The following MYO16 variants were observed in gnomAD, a reference collection of about 807,000 sequenced individuals.
MYO16 encodes unconventional myosin-XVI.
A neutral mutation model predicts 205.3 loss-of-function variants in MYO16; 94 were observed. That is an observed-to-expected ratio of 0.46 (90% CI 0.39 to 0.54). MYO16 has a LOEUF of 0.54. MYO16 is among the 20% of genes least tolerant of loss of function. The pLI is 0.00. For missense variants in MYO16, 2,315 were observed against 2,387.5 expected (o/e 0.97, Z 0.63); for synonymous variants, 988 against 954.0 (o/e 1.04, Z -0.66).
intron 4 of MYO16, among the ~76,000 whole-genome samples, chr13:108,783,027 C>T (rs902664015): frequency 1.3e-5 from 2 of 152,122 alleles, no homozygotes; most frequent in Non-Finnish European, 2.9e-5. Context: ...TCTACTGGGC[C>T]ACTGCCTAGT....
intron 27 of MYO16, among the ~76,000 whole-genome samples, chr13:109,097,990 G>A (rs923678153): frequency 1.6e-5 from 2 of 124,446 alleles, no homozygotes; most frequent in Non-Finnish European, 3.5e-5. Context: ...ACTGGGTACT[G>A]TCTTGGTCAG....
intron 16 of MYO16, among the ~76,000 whole-genome samples, chr13:108,911,034 A>AACACACAC (rs113296282): frequency 0.23 from 31,794 of 138,054 alleles, 4,081 homozygotes; most frequent in Non-Finnish European, 0.28. Context: ...TATAGGAGAA[A>AACACACAC]ACACACACAC....
chr13:108,945,486 T>C (rs1048848761), intron 16 of MYO16, among the ~76,000 whole-genome samples: 4 of 152,206 alleles, frequency 2.6e-5, no homozygotes, highest in Admixed American at 1.3e-4. Flanking sequence ...CTAGAAATTA[T>C]TTTTAAAATA....
the MYO16 span, among the ~76,000 whole-genome samples, chr13:108,497,385 T>C: frequency 6.6e-6 from 1 of 152,242 alleles, no homozygotes; most frequent in African/African-American, 2.4e-5. Context: ...AACAAGCATA[T>C]GTGACATTTA....
chr13:109,002,309 A>C (rs921454945), intron 21 of MYO16, among the ~76,000 whole-genome samples: 1 of 152,150 alleles, frequency 6.6e-6, no homozygotes, highest in African/African-American at 2.4e-5. Context: ...TTTTTGTTTC[A>C]GATATGTTTC....
At chr13:109,148,413 A>G (rs745912481) in intron 32 of MYO16, among the ~76,000 whole-genome samples, 1 of 152,248 alleles carries the variant, frequency 6.6e-6, no homozygotes, top group Non-Finnish European at 1.5e-5. Flanking sequence ...ATTCCCTTAC[A>G]GTCATCCAAT....
At chr13:109,184,167 C>A (rs1251814538) in intron 34 of MYO16, among the ~76,000 whole-genome samples, 1 of 152,002 alleles carries the variant, frequency 6.6e-6, no homozygotes, top group African/African-American at 2.4e-5. Flanking sequence ...TAAGATAACC[C>A]TTTCAAAAGG....
intron 4 of MYO16, among the ~76,000 whole-genome samples, chr13:108,765,570 G>C (rs1251030210): frequency 6.6e-6 from 1 of 152,068 alleles, no homozygotes; most frequent in Non-Finnish European, 1.5e-5. Context: ...TTATGCTTCT[G>C]TTGCTACACC....
chr13:109,173,692 G>T (rs990757115), intron 33 of MYO16, among the ~76,000 whole-genome samples: 1 of 151,256 alleles, frequency 6.6e-6, no homozygotes, highest in Non-Finnish European at 1.5e-5. Context: ...TCAGGCGATC[G>T]AGACCATCCT....
chr13:108,978,910 A>G (rs1884361628), intron 20 of MYO16, among the ~76,000 whole-genome samples: 1 of 152,062 alleles, frequency 6.6e-6, no homozygotes, highest in East Asian at 1.9e-4. Context: ...TTTGACTCAC[A>G]TATATTTTCT....
intron 13 of MYO16, among the ~76,000 whole-genome samples, chr13:108,886,038 A>T (rs529643538): frequency 1.3e-3 from 190 of 151,624 alleles, no homozygotes; most frequent in African/African-American, 4.4e-3. Flanking sequence ...CCCAGGCTGG[A>T]GTGCAGTGGC....
chr13:109,190,323 CTT>C (rs1463426222), intron 34 of MYO16, among the ~76,000 whole-genome samples: 1 of 152,116 alleles, frequency 6.6e-6, no homozygotes, highest in Non-Finnish European at 1.5e-5. Flanking sequence ...TTGTTCCACA[CTT>C]TTTGCAACAT....
chr13:108,812,681 A>C (rs535642860), intron 7 of MYO16, among the ~76,000 whole-genome samples: 1 of 152,290 alleles, frequency 6.6e-6, no homozygotes, highest in East Asian at 1.9e-4. Context: ...TCTCCCCAAA[A>C]TTTGTGTGTT....
At chr13:108,684,643 T>C (rs1194030731) in intron 2 of MYO16, among the ~76,000 whole-genome samples, 1 of 152,128 alleles carries the variant, frequency 6.6e-6, no homozygotes, top group Non-Finnish European at 1.5e-5. Context: ...TGGCTGGGGG[T>C]TGGTCACCCA....
chr13:108,836,795 C>G (rs1181631517), intron 9 of MYO16, among the ~76,000 whole-genome samples: 1 of 152,102 alleles, frequency 6.6e-6, no homozygotes, highest in Admixed American at 6.5e-5. Flanking sequence ...CAAATTTCTC[C>G]CATTTGGAAT....
intron 4 of MYO16, among the ~76,000 whole-genome samples, chr13:108,777,158 G>C (rs531971330): frequency 6.6e-6 from 1 of 151,984 alleles, no homozygotes; most frequent in African/African-American, 2.4e-5. Flanking sequence ...GCCCTAGGCC[G>C]TAAAGTTCAT....
intron 1 of MYO16, among the ~76,000 whole-genome samples, chr13:108,614,616 A>G (rs754361800): frequency 2.0e-5 from 3 of 152,144 alleles, no homozygotes; most frequent in Non-Finnish European, 4.4e-5. Context: ...ATACTGGCAT[A>G]AGGCTGGATA....
At chr13:108,913,376 T>C (rs1881351253) in intron 16 of MYO16, among the ~76,000 whole-genome samples, 1 of 152,212 alleles carries the variant, frequency 6.6e-6, no homozygotes, top group African/African-American at 2.4e-5. Flanking sequence ...GTTGTTTATG[T>C]TATACAGGTC....
At chr13:108,559,998 CT>C in the MYO16 span, among the ~76,000 whole-genome samples, 2 of 152,176 alleles carry the variant, frequency 1.3e-5, no homozygotes, top group East Asian at 3.9e-4. Flanking sequence ...ACTAAAGCCC[CT>C]CTAACACCCT....
Sources: allele counts gnomAD v4.1 joint callset (sites outside exome capture counted in the v4.1 genomes callset), GRCh38; gene constraint gnomAD v4.1.1; transcripts MANE v1.5; gene names NCBI Gene and HGNC (gene_info 2026-07-23, HGNC 2026-07-21).